The following AR variants were observed in gnomAD, a reference collection of about 807,000 sequenced individuals.
AR encodes androgen receptor, also known as dihydrotestosterone receptor.
Under a neutral mutation model 53.9 loss-of-function variants are expected in AR, and 8 were observed. That is an observed-to-expected ratio of 0.15 (90% CI 0.09 to 0.27). The LOEUF is 0.27. AR is among the 10% of genes least tolerant of loss of function. The pLI, the probability that AR is intolerant of heterozygous loss-of-function variation, is 1.00. For synonymous variants in AR, 359 were observed against 316.4 expected (o/e 1.13, Z -1.43); for missense variants, 639 against 742.5 (o/e 0.86, Z 1.62).
chrX:67,673,242 T>A (rs925421136), intron 2 of AR, among the ~76,000 whole-genome samples: 1 of 110,317 alleles, frequency 9.1e-6, no homozygotes, highest in Non-Finnish European at 1.9e-5. Context: ...CTTGAGGTGG[T>A]CTTTTTTGGA....
In AR at chrX:67,578,572, T is replaced by C. The variant is rs1427486926; in HGVS notation, c.1616+31810T>C. ...GGTTTTGCTATTTCTTAGCTGTGTG[T>C]CACTGTGCAAGTTACTTTGTTTCTC... On this transcript the variant is annotated intron_variant, in intron 1 of 7. Transcript: ENST00000374690. 2.7e-5 allele frequency among the ~76,000 whole-genome samples: 3 copies of C among 112,131 alleles called. No homozygotes were observed. The East Asian group carries it at 8.4e-4, about 31-fold the overall frequency.
chrX:67,612,571 C>A (rs1471739232), intron 1 of AR, among the ~76,000 whole-genome samples: 1 of 111,869 alleles, frequency 8.9e-6, no homozygotes, highest in Non-Finnish European at 1.9e-5. Flanking sequence ...TCTGTGAAGC[C>A]TTTTCCAATC....
rs758736548 is a variant in AR at position 67,721,971 on chromosome X, C to T, written c.2449+8C>T. ...TGCTACTCTTCAGCATTAGTAAGTG[C>T]CTAGAAGTGCAGGGAATGCCCCCTG... is the stretch of plus-strand genomic sequence containing the variant. On this transcript the variant is annotated splice_region_variant and intron_variant, in intron 6 of 7. Coordinates refer to ENST00000374690, the MANE Select transcript of AR (RefSeq NM_000044.6). 1.2e-5 allele frequency: 14 copies of T among 1,210,482 alleles called. No individual in the cohort carries two copies. In the South Asian group the frequency reaches 2.1e-4, roughly 18 times the overall value.
At chrX:67,554,915 CAAAA>C (rs749297941) in intron 1 of AR, among the ~76,000 whole-genome samples, 4 of 57,058 alleles carry the variant, frequency 7.0e-5, no homozygotes, top group African/African-American at 1.4e-4. Context: ...CAGGCTCCGT[CAAAA>C]AAAAAAAAAA....
At chrX:67,639,224 G>A (rs1403737938) in intron 1 of AR, among the ~76,000 whole-genome samples, 2 of 112,080 alleles carry the variant, frequency 1.8e-5, no homozygotes, top group Non-Finnish European at 3.8e-5. Flanking sequence ...CTGTAGCCTT[G>A]TAGTATAGTT....
intron 2 of AR, among the ~76,000 whole-genome samples, chrX:67,649,800 C>T (rs940306384): frequency 8.9e-5 from 10 of 111,822 alleles, no homozygotes; most frequent in Non-Finnish European, 1.3e-4. Flanking sequence ...GGATAGATTG[C>T]GAAAATTTTC....
At chrX:67,712,633 A>T (rs1018775602) in intron 4 of AR, among the ~76,000 whole-genome samples, 2 of 112,341 alleles carry the variant, frequency 1.8e-5, no homozygotes, top group Non-Finnish European at 3.8e-5. Flanking sequence ...GGGCCTCACC[A>T]GTTCAGCCTC....
At chrX:67,685,947 C>G (rs2075964060) in intron 2 of AR, 63 bp from the exon 3 acceptor site, 1 of 1,202,104 alleles carries the variant, frequency 8.3e-7, no homozygotes, top group Non-Finnish European at 1.1e-6. Flanking sequence ...CTAGAAATAC[C>G]CGAAGAAAGA....
intron 1 of AR, among the ~76,000 whole-genome samples, chrX:67,610,702 T>C (rs1336734300): frequency 8.9e-6 from 1 of 112,149 alleles, no homozygotes; most frequent in Non-Finnish European, 1.9e-5. Context: ...TTCTTAAAGG[T>C]TGCACAACTT....
chrX:67,630,953 T>C (rs947625875), intron 1 of AR, among the ~76,000 whole-genome samples: 61 of 111,537 alleles, frequency 5.5e-4, no homozygotes, highest in African/African-American at 1.9e-3. Flanking sequence ...TCTTTATGAA[T>C]GTTGAATATT....
intron 1 of AR, among the ~76,000 whole-genome samples, chrX:67,608,856 CT>C (rs749450487): frequency 1.8e-5 from 2 of 110,883 alleles, no homozygotes; most frequent in Admixed American, 1.9e-4. Flanking sequence ...ACTTCTTTTC[CT>C]TTGACATAAA....
At chrX:67,708,473 T>C (rs1411774799) in intron 3 of AR, among the ~76,000 whole-genome samples, 1 of 112,181 alleles carries the variant, frequency 8.9e-6, no homozygotes, top group African/African-American at 3.2e-5. Flanking sequence ...ATAGTTCTCG[T>C]GCCATGGTTT....
intron 4 of AR, among the ~76,000 whole-genome samples, chrX:67,716,051 G>A (rs1178187528): frequency 1.8e-5 from 2 of 111,784 alleles, no homozygotes; most frequent in Non-Finnish European, 3.8e-5. Context: ...AGGTAATTTG[G>A]AGATCATTTA....
rs1203675401 is a variant in AR, at chrX:67,546,259, G to A, written c.1113G>A (p.Leu371=). 3 of 1,207,025 alleles carry A rather than the reference G, an allele frequency of 2.5e-6. No homozygotes were observed. In the Admixed American group the frequency reaches 6.6e-5, roughly 26 times the overall value. ...ACTACTACAACTTTCCACTGGCTCT[G>A]GCCGGACCGCCGCCCCCTCCGCCGC... is the stretch of plus-strand genomic sequence containing the variant. ...SRDYYNFPLA[L]AGPPPPPPPP... Residue 371 remains leucine, a synonymous_variant, in exon 1 of 8, where the codon CTG becomes CTA. Coordinates refer to ENST00000374690, the MANE Select transcript of AR (RefSeq NM_000044.6).
At position 67,726,515 on chromosome X, in the gene AR, T is replaced by A. The variant is rs191554741; in HGVS notation, c.*2674T>A. 1.1e-4 allele frequency: 19 copies of A among 174,414 alleles called. No homozygotes were observed. Among genetic ancestry groups the A allele is most frequent in the African/African-American group, 4.7e-4 (16 of 34,130 alleles). The allele number at this position is 174,414 out of a possible 1,213,427, so 14.4% of individuals were successfully genotyped here. ...TCTTTATGGGTTTCCCAATTGTGAC[T>A]CTTGTCTTCATGAATATATGTTTTT... On this transcript the variant is annotated 3_prime_UTR_variant, in exon 8 of 8. Coordinates refer to ENST00000374690, the MANE Select transcript of AR (RefSeq NM_000044.6).
At chrX:67,579,752 C>A (rs138464995) in intron 1 of AR, among the ~76,000 whole-genome samples, 1 of 111,803 alleles carries the variant, frequency 8.9e-6, no homozygotes, top group Non-Finnish European at 1.9e-5. Flanking sequence ...AGCTCACTCT[C>A]GTTGGCTCTC....
At chrX:67,716,100 T>C (rs759870003) in intron 4 of AR, among the ~76,000 whole-genome samples, 1 of 111,951 alleles carries the variant, frequency 8.9e-6, no homozygotes, top group Non-Finnish European at 1.9e-5. Flanking sequence ...TGAGGGTCTT[T>C]AGGCCATTTG....
intron 2 of AR, among the ~76,000 whole-genome samples, chrX:67,683,341 G>A (rs1251676044): frequency 9.0e-6 from 1 of 111,013 alleles, no homozygotes; most frequent in East Asian, 2.8e-4. Context: ...ACAGGGACAA[G>A]AGACTATTAT....
chrX:67,675,047 A>G (rs553910305), intron 2 of AR, among the ~76,000 whole-genome samples: 1 of 110,765 alleles, frequency 9.0e-6, no homozygotes, highest in South Asian at 3.9e-4. Context: ...CCTTCAAGGC[A>G]GCCGGTTTCT....
Sources: allele counts gnomAD v4.1 joint callset (sites outside exome capture counted in the v4.1 genomes callset), GRCh38; gene constraint gnomAD v4.1.1; transcripts MANE v1.5; gene names NCBI Gene and HGNC (gene_info 2026-07-23, HGNC 2026-07-21).